Variants in RHNO1 observed in about 807,000 individuals in gnomAD.
RHNO1 encodes the protein RAD9-HUS1-RAD1 interacting nuclear orphan 1.
A neutral mutation model predicts 7.2 loss-of-function variants in RHNO1; 9 were observed. The ratio of observed to expected loss-of-function variants is 1.25; its 90% CI spans 0.75 to 2.18. The LOEUF is 2.18. Among genes scored for constraint, RHNO1 ranks in the 30% most tolerant of loss-of-function variants. The pLI is 0.00. For synonymous variants in RHNO1, 95 were observed against 107.5 expected, an observed-to-expected ratio of 0.88 and a Z score of 0.72; for missense variants, 292 against 284.5, an observed-to-expected ratio of 1.03 and a Z score of -0.19.
At chr12:2,881,454 G>A (rs2098157500) in intron 1 of RHNO1, among the ~76,000 whole-genome samples, 1 of 152,024 alleles carries the variant, frequency 6.6e-6, no homozygotes, top group Non-Finnish European at 1.5e-5. Flanking sequence ...CACAAGGGCA[G>A]AGGTTTTATG....
upstream of RHNO1, among the ~76,000 whole-genome samples, chr12:2,876,708 G>T (rs922465230): frequency 2.6e-5 from 4 of 152,184 alleles, no homozygotes; most frequent in Non-Finnish European, 2.9e-5. Flanking sequence ...TTCCAGGGAA[G>T]GCCAAGGGGC....
At chr12:2,881,909 AAAAAAAAGAAAG>A (rs1229560364) in intron 1 of RHNO1, among the ~76,000 whole-genome samples, 1 of 151,800 alleles carries the variant, frequency 6.6e-6, no homozygotes, top group Non-Finnish European at 1.5e-5. Flanking sequence ...CATCAAAAAA[AAAAAAAAGAAAG>A]AAAAAAAGAG....
Position 2,885,500 on chromosome 12 carries a change from G to A in RHNO1, c.134G>A (p.Ser45Asn), listed in dbSNP as rs1327365285. The A allele has an allele frequency of 6.3e-7, 1 of 1,591,118 alleles. No homozygotes were observed. Among genetic ancestry groups the A allele is most frequent in the Admixed American group, 1.7e-5 (1 of 59,246 alleles). The change falls in exon 2 of 3, where the codon AGC (serine) becomes AAC (asparagine). Residue 45 changes from serine (S) to asparagine (N), a missense_variant. Transcript: ENST00000489288. Reference protein sequence around the residue: ...LPITHTRQVPSKPIDHSTITS... With the variant: ...LPITHTRQVPNKPIDHSTITS... Reference sequence around the variant, plus strand: ...ATCACTCACACTCGACAGGTGCCCAGCAAGCCCATTGACCACAGCACCATC... The same window carrying A: ...ATCACTCACACTCGACAGGTGCCCAACAAGCCCATTGACCACAGCACCATC...
At chr12:2,883,498 TA>T (rs1565488179) in intron 1 of RHNO1, among the ~76,000 whole-genome samples, 7 of 23,606 alleles carry the variant, frequency 3.0e-4, no homozygotes, top group East Asian at 1.8e-3. Context: ...TATATATATA[TA>T]TATATATATA....
chr12:2,880,192 G>A (rs771420417), intron 1 of RHNO1, among the ~76,000 whole-genome samples: 4 of 152,120 alleles, frequency 2.6e-5, no homozygotes, highest in Non-Finnish European at 4.4e-5. Flanking sequence ...CCAGCTATTC[G>A]GGAGGCTGAG....
At chr12:2,883,084 A>AAAAAAAAACACAC (rs1176902071) in intron 1 of RHNO1, among the ~76,000 whole-genome samples, 1 of 99,736 alleles carries the variant, frequency 1.0e-5, no homozygotes, top group African/African-American at 4.0e-5. Flanking sequence ...AAAAAAAAAA[A>AAAAAAAAACACAC]ACACATAGAA....
chr12:2,880,910 A>G (rs2098156722), intron 1 of RHNO1, among the ~76,000 whole-genome samples: 2 of 151,750 alleles, frequency 1.3e-5, no homozygotes, highest in African/African-American at 4.9e-5. Context: ...AAGTTCTGGG[A>G]TTACAGGCGT....
Position 2,888,057 on chromosome 12 carries a change from G to T in RHNO1, c.315G>T (p.Glu105Asp), listed in dbSNP as rs1217787923. ...TFESPQSSSS[E>D]TLGIPLIREC... Reference sequence around the variant, plus strand: ...AGAGTCCGCAATCTTCCAGTTCAGAGACATTGGGGATCCCCTTAATCCGAG... The same window carrying T: ...AGAGTCCGCAATCTTCCAGTTCAGATACATTGGGGATCCCCTTAATCCGAG... Residue 105 changes from glutamate to aspartate, a missense_variant, in exon 3 of 3, where the codon GAG (glutamate) becomes GAT (aspartate). By Grantham distance (45) the Glu-to-Asp change is conservative. Coordinates refer to ENST00000489288, the MANE Select transcript of RHNO1 (RefSeq NM_001252499.3). 2 of 1,613,998 alleles carry T rather than the reference G, an allele frequency of 1.2e-6. No homozygotes were observed. Among genetic ancestry groups the T allele is most frequent in the Non-Finnish European group, 1.7e-6 (2 of 1,180,038 alleles).
rs935119344 is a variant in RHNO1, at chr12:2,878,902, G to A, written c.-85+1620G>A. ...TCACTTTGGCCAAGGGACGGGCGGG[G>A]GGTTGTCAGGGGAATGATCGTGAAT... On this transcript the variant is annotated intron_variant, in intron 1 of 2. Coordinates refer to ENST00000489288, the MANE Select transcript of RHNO1 (RefSeq NM_001252499.3). Among the ~76,000 whole-genome samples the A allele has an allele frequency of 5.9e-5, 9 of 151,784 alleles. No individual in the cohort carries two copies. In the South Asian group the frequency reaches 6.2e-4, roughly 10 times the overall value.
rs1351614707 is a variant in RHNO1 at position 2,889,092 on chromosome 12, G to A, written c.*633G>A. ...AAACTAATTCATTCTGCATTTTTGA[G>A]TACCAACTCTTGTCAGGCTCAGTGG... On this transcript the variant is annotated 3_prime_UTR_variant, in exon 3 of 3. Coordinates refer to ENST00000489288, the MANE Select transcript of RHNO1 (RefSeq NM_001252499.3). 1 of 152,008 alleles carries A rather than the reference G, an allele frequency of 6.6e-6. No homozygotes were observed. The highest frequency in any genetic ancestry group is 1.5e-5 in the Non-Finnish European group (1 of 68,020). 9.4% of individuals were successfully genotyped at this position (152,008 alleles called of 1,614,324 possible).
chr12:2,881,937 G>T (rs942385985), intron 1 of RHNO1, among the ~76,000 whole-genome samples: 1 of 151,338 alleles, frequency 6.6e-6, no homozygotes, highest in Non-Finnish European at 1.5e-5. Flanking sequence ...AAGAGAAACT[G>T]TGTCCTTTTT....
upstream of RHNO1, chr12:2,876,996 AGCCAGGGCCCCGGACGGGGGCTCGC>A (rs1324725773): frequency 2.6e-5 from 4 of 151,490 alleles, no homozygotes; most frequent in Admixed American, 2.0e-4. Flanking sequence ...CTGGGGGCCG[AGCCAGGGCCCCGGACGGGGGCTCGC>A]GCCGGACCGG....
rs1441005704 is a variant in RHNO1 at position 2,888,284 on chromosome 12, G to T, written c.542G>T (p.Ser181Ile). The part of the protein sequence containing the change: ...PQDQKENSLL[S>I]CTLHTGTPNS... ...GATCAGAAGGAAAACAGCCTTCTAAGCTGCACTCTTCACACTGGCACTCCT... is the reference window on the plus strand; with the variant it reads ...GATCAGAAGGAAAACAGCCTTCTAATCTGCACTCTTCACACTGGCACTCCT... Residue 181 changes from serine to isoleucine, a missense_variant, in exon 3 of 3, where the codon AGC becomes ATC. Transcript: ENST00000489288. 6.2e-7 allele frequency: 1 copy of T among 1,614,086 alleles called. No homozygotes were observed. The highest frequency in any genetic ancestry group is 8.5e-7 in the Non-Finnish European group (1 of 1,180,022).
At chr12:2,884,214 C>T (rs1318534557) in intron 1 of RHNO1, among the ~76,000 whole-genome samples, 1 of 151,880 alleles carries the variant, frequency 6.6e-6, no homozygotes, top group South Asian at 2.1e-4. Flanking sequence ...GCATGCACCA[C>T]CACACCCGGC....
intron 1 of RHNO1, among the ~76,000 whole-genome samples, chr12:2,882,097 C>G (rs558959682): frequency 6.6e-6 from 1 of 151,820 alleles, no homozygotes; most frequent in South Asian, 2.1e-4. Context: ...TACCTCTCTA[C>G]CTATTGCATT....
chr12:2,881,571 T>C (rs2098157644), intron 1 of RHNO1, among the ~76,000 whole-genome samples: 1 of 152,018 alleles, frequency 6.6e-6, no homozygotes, highest in South Asian at 2.1e-4. Flanking sequence ...CAAATGGATA[T>C]ATATATTTTT....
rs1423042760 is a variant in RHNO1, at chr12:2,887,980, A to G, written c.238A>G (p.Arg80Gly). Reference protein sequence around the residue: ...PAYQKHQNRARHSSRKPTTSK... With the variant: ...PAYQKHQNRAGHSSRKPTTSK... ...CTACCAGAAACACCAAAACCGGGCG[A>G]GACACTCAAGTCGAAAACCTACCAC... Residue 80 changes from arginine to glycine, a missense_variant, in exon 3 of 3, where the codon AGA becomes GGA. Arg to Gly is a moderately radical substitution (Grantham distance 125). Coordinates refer to ENST00000489288, the MANE Select transcript of RHNO1 (RefSeq NM_001252499.3). The G allele has an allele frequency of 6.2e-7, 1 of 1,613,796 alleles. No individual in the cohort carries two copies.
chr12:2,888,853 G>T lies in RHNO1; in HGVS notation c.*394G>T, dbSNP rs113456952. On this transcript the variant is annotated 3_prime_UTR_variant, in exon 3 of 3. Coordinates refer to ENST00000489288, the MANE Select transcript of RHNO1 (RefSeq NM_001252499.3). ...TTTGTGTCATGAACAGTTCAGTTTA[G>T]TGTCATGAACTATTCACTTCATATT... 1.8e-3 allele frequency: 300 copies of T among 163,154 alleles called. 1 individual carries two copies. Among genetic ancestry groups the T allele is most frequent in the African/African-American group, 6.5e-3 (274 of 41,904 alleles). The allele number at this position is 163,154 out of a possible 1,614,324, so 10.1% of individuals were successfully genotyped here.
chr12:2,885,566 T>A, intron 2 of RHNO1, 32 bp downstream of exon 2: 1 of 524,498 alleles, frequency 1.9e-6, no homozygotes, highest in Non-Finnish European at 2.3e-6. Context: ...TTGACATTTT[T>A]TTTTTTTTTT....
Sources: gnomAD v4.1 joint callset for allele counts (sites outside exome capture counted in the v4.1 genomes callset) on GRCh38, gnomAD v4.1.1 for gene constraint, MANE v1.5 for transcripts, NCBI Gene and HGNC (gene_info 2026-07-23, HGNC 2026-07-21) for gene names.